ABCA1: variants seen among roughly 807,000 people sequenced by gnomAD.
ABCA1 encodes the protein ATP binding cassette subfamily A member 1, also known as phospholipid-transporting ATPase ABCA1.
Under a neutral mutation model 262.5 loss-of-function variants are expected in ABCA1, and 133 were observed. That is an observed-to-expected ratio of 0.51 (90% CI 0.44 to 0.59). ABCA1 has a LOEUF of 0.59. Among genes scored for constraint, ABCA1 ranks in the 20% least tolerant of loss-of-function variants. ABCA1 has a pLI of 0.00. For synonymous variants in ABCA1, 1,022 were observed against 1,043.5 expected (o/e 0.98, Z 0.40); for missense variants, 2,452 against 2,777.5 (o/e 0.88, Z 2.63).
In ABCA1 at chr9:104,817,738, G is replaced by A. The variant is rs1831904649; in HGVS notation, c.3463-334C>T. On this transcript the variant is annotated intron_variant, in intron 23 of 49. Transcript: ENST00000374736. The surrounding 1 kb of genome is among the most constrained non-coding windows in gnomAD (Gnocchi z 4.7). ...ACATGTCTAGTTCAATGCTTCTCATGCTTTAATGTGTGTTCAACCACTCAA... is the reference window on the plus strand; with the variant it reads ...ACATGTCTAGTTCAATGCTTCTCATACTTTAATGTGTGTTCAACCACTCAA... 6.6e-6 allele frequency among the ~76,000 whole-genome samples: 1 copy of A among 152,202 alleles called. No individual in the cohort carries two copies. Among genetic ancestry groups the A allele is most frequent in the African/African-American group, 2.4e-5 (1 of 41,452 alleles).
At position 104,827,155 on chromosome 9, in the gene ABCA1, C is replaced by G. The variant is rs2118992109; in HGVS notation, c.2130G>C (p.Leu710=). The G allele has an allele frequency of 6.2e-7, 1 of 1,614,126 alleles. No homozygotes were observed. Among genetic ancestry groups the G allele is most frequent in the Non-Finnish European group, 8.5e-7 (1 of 1,180,016 alleles). Residue 710 remains leucine, a synonymous_variant, in exon 16 of 50, where the codon CTG becomes CTC. Coordinates refer to ENST00000374736, the MANE Select transcript of ABCA1 (RefSeq NM_005502.4). Reference sequence around the variant, plus strand: ...ACACCACGCTGGGATCACTGTAGGGCAGCAGGTTTCCTAACTGGGAAGGAA... The same window carrying G: ...ACACCACGCTGGGATCACTGTAGGGGAGCAGGTTTCCTAACTGGGAAGGAA... The part of the protein sequence containing the change: ...LVVILKLGNL[L]PYSDPSVVFV...
intron 1 of ABCA1, among the ~76,000 whole-genome samples, chr9:104,916,526 G>A (rs1283165633): frequency 1.3e-5 from 2 of 152,170 alleles, no homozygotes; most frequent in African/African-American, 2.4e-5. Flanking sequence ...CTCCTATAAA[G>A]GGCACTGTAA....
chr9:104,843,193 T>C (rs1834540977), intron 8 of ABCA1, among the ~76,000 whole-genome samples: 2 of 152,186 alleles, frequency 1.3e-5, no homozygotes, highest in African/African-American at 4.8e-5. Context: ...GACCTGTTTG[T>C]TTCTGTCTCT....
At chr9:104,860,029 G>A (rs1306152952) in intron 6 of ABCA1, among the ~76,000 whole-genome samples, 1 of 149,994 alleles carries the variant, frequency 6.7e-6, no homozygotes, top group East Asian at 1.9e-4. Flanking sequence ...ACTCCAGCCT[G>A]GGTGACAGAG....
At chr9:104,883,758 C>G (rs1406705719) in intron 4 of ABCA1, among the ~76,000 whole-genome samples, 2 of 152,216 alleles carry the variant, frequency 1.3e-5, no homozygotes, top group Non-Finnish European at 2.9e-5. Flanking sequence ...TCAGGATTGT[C>G]CTGAGCCACA....
intron 7 of ABCA1, among the ~76,000 whole-genome samples, chr9:104,848,745 A>G (rs1835118841): frequency 6.6e-6 from 1 of 152,166 alleles, no homozygotes; most frequent in African/African-American, 2.4e-5. Flanking sequence ...CCATGTTCAC[A>G]AAGCCTCCCT....
chr9:104,876,848 G>T (rs565606302), intron 5 of ABCA1, among the ~76,000 whole-genome samples: 3 of 152,314 alleles, frequency 2.0e-5, no homozygotes, highest in Admixed American at 1.3e-4. Flanking sequence ...TTTGGAAGGG[G>T]AGCAGTGCTT....
In ABCA1 at chr9:104,832,669, C is replaced by G; in HGVS notation, c.1414G>C (p.Glu472Gln). The change falls in exon 12 of 50, where the codon GAG becomes CAG. Residue 472 changes from glutamate to glutamine, a missense_variant. By Grantham distance (29) the Glu-to-Gln change is conservative. Transcript: ENST00000374736. ...DIVAFLAKHPEDVQSSNGSVY... is the reference protein window; with the variant it reads ...DIVAFLAKHPQDVQSSNGSVY... ...GAACCATTACTGGACTGGACATCCT[C>G]TGGGTGCTTGGCCAAAAACGCCACG... The G allele has an allele frequency of 6.2e-7, 1 of 1,614,186 alleles. No individual in the cohort carries two copies. Among genetic ancestry groups the G allele is most frequent in the Non-Finnish European group, 8.5e-7 (1 of 1,180,040 alleles).
chr9:104,844,830 T>C (rs1834720443), intron 8 of ABCA1, among the ~76,000 whole-genome samples: 1 of 152,166 alleles, frequency 6.6e-6, no homozygotes. Flanking sequence ...GAGACAAGGC[T>C]GGGAGTCAGA....
intron 1 of ABCA1, among the ~76,000 whole-genome samples, chr9:104,910,759 C>CA: frequency 6.6e-6 from 1 of 152,040 alleles, no homozygotes; most frequent in Non-Finnish European, 1.5e-5. Context: ...GGTTGGAGTG[C>CA]AGTGGTGTGA....
chr9:104,816,231 G>T lies in ABCA1; in HGVS notation c.3650C>A (p.Ala1217Asp), dbSNP rs1277584205. 3 of 1,614,058 alleles carry T rather than the reference G, an allele frequency of 1.9e-6. No homozygotes were observed. The highest frequency in any genetic ancestry group is 8.5e-7 in the Non-Finnish European group (1 of 1,180,008). Reference protein sequence around the residue: ...VLPYEAAKEGAFVELFHEIDD... With the variant: ...VLPYEAAKEGDFVELFHEIDD... ...AATCTCATGAAAGAGTTCCACAAAG[G>T]CTCCCTCCTTAGCAGCTTCATATGG... is the stretch of plus-strand genomic sequence containing the variant. The change falls in exon 25 of 50, where the codon GCC becomes GAC. Residue 1217 changes from alanine (A) to aspartate (D), a missense_variant. By Grantham distance (126) the Ala-to-Asp change is moderately radical (BLOSUM62 -2). Coordinates refer to ENST00000374736, the MANE Select transcript of ABCA1 (RefSeq NM_005502.4).
At chr9:104,925,375 C>CAATAAAAAAA in intron 1 of ABCA1, among the ~76,000 whole-genome samples, 1 of 123,242 alleles carries the variant, frequency 8.1e-6, no homozygotes, top group Non-Finnish European at 1.7e-5. Flanking sequence ...GACTGCATCT[C>CAATAAAAAAA]AAAAAAAAAA....
At position 104,818,872 on chromosome 9, in the gene ABCA1, T is replaced by A; in HGVS notation, c.3253A>T (p.Ile1085Phe). The A allele has an allele frequency of 1.2e-6, 2 of 1,613,150 alleles. No homozygotes were observed. The highest frequency in any genetic ancestry group is 2.7e-5 in the African/African-American group (2 of 74,978). Residue 1085 changes from isoleucine (I) to phenylalanine (F), a missense_variant, in exon 23 of 50, where the codon ATT (isoleucine) becomes TTT (phenylalanine). By Grantham distance (21) the Ile-to-Phe change is conservative. This residue lies in a region of ABCA1 where 665 missense variants were observed against 727.3 expected (regional missense o/e 0.91). Transcript: ENST00000374736. ...LLKYRQGRTI[I>F]LSTHHMDEAD... is the part of the protein sequence containing the mutation. Reference sequence around the variant, plus strand: ...TCATCCATGTGGTGTGTAGAGAGAATAATGGTGCGGCCTGCCAGGCACAAA... The same window carrying A: ...TCATCCATGTGGTGTGTAGAGAGAAAAATGGTGCGGCCTGCCAGGCACAAA...
At chr9:104,841,727 A>C (rs1834395113) in intron 8 of ABCA1, among the ~76,000 whole-genome samples, 1 of 152,204 alleles carries the variant, frequency 6.6e-6, no homozygotes, top group Non-Finnish European at 1.5e-5. Context: ...GGTGCCCTGC[A>C]TAGAACAGTC....
chr9:104,891,799 C>G (rs71511789), intron 2 of ABCA1, among the ~76,000 whole-genome samples: 2 of 151,098 alleles, frequency 1.3e-5, no homozygotes, highest in Admixed American at 6.6e-5. Context: ...AACCCCATCT[C>G]TACTAAAAAT....
chr9:104,814,492 A>G lies in ABCA1; in HGVS notation c.3739-17T>C. On this transcript the variant is annotated splice_polypyrimidine_tract_variant and intron_variant, in intron 25 of 49. Transcript: ENST00000374736. ...GAGGAATATCTGGAAAATGAGAGAG[A>G]TGAGAACATTATAAGCACCAACATT... 3 of 1,613,430 alleles carry G rather than the reference A, an allele frequency of 1.9e-6. No homozygotes were observed. Among genetic ancestry groups the G allele is most frequent in the Non-Finnish European group, 1.7e-6 (2 of 1,179,316 alleles).
rs1564120348 is a variant in ABCA1, at chr9:104,816,219, A to C, written c.3662T>G (p.Leu1221Arg). 6.2e-7 allele frequency: 1 copy of C among 1,614,212 alleles called. No homozygotes were observed. The highest frequency in any genetic ancestry group is 8.5e-7 in the Non-Finnish European group (1 of 1,180,034). ...EAAKEGAFVE[L>R]FHEIDDRLSD... ...GAGCCGGTCATCAATCTCATGAAAG[A>C]GTTCCACAAAGGCTCCCTCCTTAGC... Residue 1221 changes from leucine (L) to arginine (R), a missense_variant, in exon 25 of 50, where the codon CTC (leucine) becomes CGC (arginine). Leu to Arg is a moderately radical substitution (Grantham distance 102, BLOSUM62 -2). Transcript: ENST00000374736.
chr9:104,920,406 A>T (rs559937372), intron 1 of ABCA1, among the ~76,000 whole-genome samples: 2 of 152,326 alleles, frequency 1.3e-5, no homozygotes, highest in South Asian at 2.1e-4. Flanking sequence ...AGTGGAACCT[A>T]ATTTAATAAC....
chr9:104,825,704 A>C lies in ABCA1; in HGVS notation c.2521T>G (p.Tyr841Asp). ...GTACCTGGAAAGACAGCCTCAATGTACCAGGTCATCACCCCATAGAGGAAG... is the reference window on the plus strand; with the variant it reads ...GTACCTGGAAAGACAGCCTCAATGTCCCAGGTCATCACCCCATAGAGGAAG... ...DTFLYGVMTW[Y>D]IEAVFPGQYG... Residue 841 changes from tyrosine to aspartate, a missense_variant, in exon 17 of 50, where the codon TAC becomes GAC. This residue lies in a region of ABCA1 where 1,032 missense variants were observed against 1,089.7 expected (regional missense o/e 0.95). Coordinates refer to ENST00000374736, the MANE Select transcript of ABCA1 (RefSeq NM_005502.4). The C allele has an allele frequency of 6.2e-7, 1 of 1,614,242 alleles. No individual in the cohort carries two copies. Among genetic ancestry groups the C allele is most frequent in the Non-Finnish European group, 8.5e-7 (1 of 1,180,030 alleles).
Sources: allele counts gnomAD v4.1 joint callset (sites outside exome capture counted in the v4.1 genomes callset), GRCh38; gene constraint gnomAD v4.1.1; regional missense constraint gnomAD v4.1.1; non-coding constraint Gnocchi (gnomAD v3.1); transcripts MANE v1.5; gene names NCBI Gene and HGNC (gene_info 2026-07-23, HGNC 2026-07-21).